The following WDR70 variants were observed in gnomAD, a reference collection of about 807,000 sequenced individuals.
WDR70 encodes WD repeat-containing protein 70.
In WDR70, 53 loss-of-function variants were observed where a neutral mutation model predicts 88.6. The ratio of observed to expected loss-of-function variants is 0.60; its 90% CI spans 0.48 to 0.75. The LOEUF (loss-of-function observed/expected upper bound fraction) is 0.75. Ranked by LOEUF, WDR70 falls within the 30% of genes least tolerant of loss-of-function variation. The probability of loss-of-function intolerance (pLI) is 0.00; values close to 1 mark genes in which losing one functional copy is unlikely to be tolerated. For missense variants in WDR70, 610 were observed against 823.2 expected (o/e 0.74, Z 3.17); for synonymous variants, 280 against 270.0 (o/e 1.04, Z -0.36).
intron 7 of WDR70, among the ~76,000 whole-genome samples, chr5:37,461,616 T>C (rs970603204): frequency 1.3e-5 from 2 of 152,078 alleles, no homozygotes; most frequent in Non-Finnish European, 2.9e-5. Flanking sequence ...CCTGAGGAGC[T>C]GGGACTACAG....
intron 8 of WDR70, among the ~76,000 whole-genome samples, chr5:37,509,397 G>A (rs1293358909): frequency 6.6e-6 from 1 of 150,904 alleles, no homozygotes. Flanking sequence ...TTTCTTACTG[G>A]CTTCTAATTT....
intron 5 of WDR70, 64 bp from the exon 6 acceptor site, chr5:37,437,858 T>C: frequency 7.0e-7 from 1 of 1,434,368 alleles, no homozygotes; most frequent in Non-Finnish European, 9.5e-7. Context: ...CTGTGAAATG[T>C]GTTGTGTAGT....
At chr5:37,474,772 C>A (rs915861607) in intron 7 of WDR70, among the ~76,000 whole-genome samples, 1 of 152,152 alleles carries the variant, frequency 6.6e-6, no homozygotes, top group African/African-American at 2.4e-5. Flanking sequence ...GTTGTTCCCC[C>A]ACATGTGTCC....
chr5:37,500,562 G>C (rs1452713287), intron 8 of WDR70, among the ~76,000 whole-genome samples: 1 of 151,990 alleles, frequency 6.6e-6, no homozygotes, highest in African/African-American at 2.4e-5. Context: ...GTGTATAAGT[G>C]TTCCCTTTTC....
At chr5:37,684,228 T>C (rs1434653032) in intron 10 of WDR70, among the ~76,000 whole-genome samples, 1 of 152,238 alleles carries the variant, frequency 6.6e-6, no homozygotes, top group Non-Finnish European at 1.5e-5. Context: ...TTATTTGGAT[T>C]GGATTTCAGT....
intron 5 of WDR70, among the ~76,000 whole-genome samples, chr5:37,409,190 C>T (rs1000747965): frequency 5.3e-5 from 8 of 152,076 alleles, no homozygotes; most frequent in South Asian, 2.1e-4. Context: ...CCACCCGCCT[C>T]GGCCTCCTAA....
rs368223251 is a variant in WDR70 at position 37,487,689 on chromosome 5, G to A, written c.840+7702G>A. Among the ~76,000 whole-genome samples, 65 of 143,868 alleles carry A rather than the reference G, an allele frequency of 4.5e-4. 1 individual carries two copies. The East Asian group carries it at 0.013, about 29-fold the overall frequency. The allele number at this position is 143,868 out of a possible 152,430, so 94.4% of individuals were successfully genotyped here. ...TCACCAGGCTAGAGTGCAGTGGTGC[G>A]ATCTCAGCTCACTGCAATCTCCTCC... is the stretch of plus-strand genomic sequence containing the variant. On this transcript the variant is annotated intron_variant, in intron 8 of 17. Transcript: ENST00000265107.
intron 7 of WDR70, among the ~76,000 whole-genome samples, chr5:37,449,788 G>A (rs564347757): frequency 2.2e-4 from 33 of 151,972 alleles, no homozygotes; most frequent in African/African-American, 7.7e-4. Context: ...TGGGATACAT[G>A]TGCAGAACGT....
Position 37,691,356 on chromosome 5 carries a change from C to T in WDR70, c.1093-6299C>T, listed in dbSNP as rs147732607. Among the ~76,000 whole-genome samples the T allele has an allele frequency of 3.0e-3, 459 of 152,240 alleles. 3 individuals are homozygous for T. The highest frequency in any genetic ancestry group is 3.7e-3 in the Non-Finnish European group (253 of 68,010). On this transcript the variant is annotated intron_variant, in intron 10 of 17. Transcript: ENST00000265107. ...GACTTGAACTCAGCTCTGCACCAAG[C>T]GGACCTAGTAGACATGTACAGAACT...
chr5:37,513,034 C>T (rs556844478), intron 8 of WDR70, among the ~76,000 whole-genome samples: 7 of 152,258 alleles, frequency 4.6e-5, no homozygotes, highest in South Asian at 2.1e-4. Flanking sequence ...TCTGTTTATT[C>T]TTTCAGTATA....
At chr5:37,499,982 G>A (rs1372670956) in intron 8 of WDR70, among the ~76,000 whole-genome samples, 2 of 152,080 alleles carry the variant, frequency 1.3e-5, no homozygotes, top group Non-Finnish European at 2.9e-5. Flanking sequence ...GGGTACAAAT[G>A]GTTTTTATTT....
intron 9 of WDR70, among the ~76,000 whole-genome samples, chr5:37,528,475 G>A (rs553810141): frequency 2.0e-4 from 31 of 152,116 alleles, no homozygotes; most frequent in Non-Finnish European, 4.3e-4. Context: ...ACCGGGGCCT[G>A]TTGTGGGTTA....
chr5:37,636,128 A>T (rs1423642101), intron 10 of WDR70, among the ~76,000 whole-genome samples: 2 of 152,192 alleles, frequency 1.3e-5, no homozygotes, highest in Non-Finnish European at 2.9e-5. Flanking sequence ...ATACAATGAT[A>T]TTAGTCAAGT....
intron 10 of WDR70, among the ~76,000 whole-genome samples, chr5:37,632,774 T>A (rs1744853231): frequency 6.6e-6 from 1 of 152,220 alleles, no homozygotes; most frequent in South Asian, 2.1e-4. Flanking sequence ...AATTTTAGTA[T>A]AGCCTAAGCT....
intron 9 of WDR70, among the ~76,000 whole-genome samples, chr5:37,589,190 G>A: frequency 6.6e-6 from 1 of 150,728 alleles, no homozygotes. Flanking sequence ...ACTGTGCCCA[G>A]CTGGATCATT....
At chr5:37,512,056 G>A (rs1014835268) in intron 8 of WDR70, among the ~76,000 whole-genome samples, 3 of 152,138 alleles carry the variant, frequency 2.0e-5, no homozygotes, top group African/African-American at 7.2e-5. Flanking sequence ...TGAAATCAAG[G>A]TGTTGGCAAG....
At chr5:37,470,370 T>C (rs1739290825) in intron 7 of WDR70, among the ~76,000 whole-genome samples, 1 of 152,104 alleles carries the variant, frequency 6.6e-6, no homozygotes, top group Admixed American at 6.5e-5. Flanking sequence ...ATATAATATT[T>C]AGAAAATTAC....
intron 3 of WDR70, among the ~76,000 whole-genome samples, chr5:37,386,189 A>G (rs1038791482): frequency 2.0e-5 from 3 of 152,140 alleles, no homozygotes; most frequent in African/African-American, 7.2e-5. Context: ...GGACAAAGAC[A>G]TGCTATCTGA....
At chr5:37,639,410 A>C (rs2112539173) in intron 10 of WDR70, among the ~76,000 whole-genome samples, 2 of 152,342 alleles carry the variant, frequency 1.3e-5, no homozygotes, top group East Asian at 3.9e-4. Flanking sequence ...GTAAGACAGG[A>C]AGAAGTTTAA....
Sources: gnomAD v4.1 joint callset for allele counts (sites outside exome capture counted in the v4.1 genomes callset) on GRCh38, gnomAD v4.1.1 for gene constraint, MANE v1.5 for transcripts, NCBI Gene and HGNC (gene_info 2026-07-23, HGNC 2026-07-21) for gene names.